SEMA5A: variants seen among roughly 807,000 people sequenced by gnomAD.
SEMA5A encodes the protein semaphorin 5A.
In SEMA5A, 55 loss-of-function variants were observed where a neutral mutation model predicts 135.5. The observed-to-expected ratio is 0.41, with a 90% confidence interval of 0.33 to 0.51. The LOEUF (loss-of-function observed/expected upper bound fraction) is 0.51. SEMA5A is among the 20% of genes least tolerant of loss of function. The probability of loss-of-function intolerance (pLI) is 0.37; values close to 1 mark genes in which losing one functional copy is unlikely to be tolerated. For missense variants in SEMA5A, 1,290 were observed against 1,419.9 expected (o/e 0.91, Z 1.47); for synonymous variants, 580 against 546.5 (o/e 1.06, Z -0.85).
intron 1 of SEMA5A, among the ~76,000 whole-genome samples, chr5:9,500,162 T>C (rs2126818467): frequency 6.6e-6 from 1 of 152,332 alleles, no homozygotes; most frequent in Middle Eastern, 3.4e-3. Context: ...GAGCCAGATG[T>C]AAATTACTAA....
chr5:9,120,943 G>A (rs1055088312), intron 14 of SEMA5A, among the ~76,000 whole-genome samples: 3 of 151,792 alleles, frequency 2.0e-5, no homozygotes, highest in African/African-American at 4.8e-5. Context: ...CATGCCCAGC[G>A]AATTTTGTAT....
At chr5:9,522,076 C>T (rs996331095) in intron 1 of SEMA5A, among the ~76,000 whole-genome samples, 1 of 152,174 alleles carries the variant, frequency 6.6e-6, no homozygotes, top group Non-Finnish European at 1.5e-5. Flanking sequence ...ATGGATTGAA[C>T]TTAGCAGCCC....
chr5:9,486,078 T>C (rs1214938990), intron 1 of SEMA5A, among the ~76,000 whole-genome samples: 2 of 151,992 alleles, frequency 1.3e-5, no homozygotes, highest in Non-Finnish European at 2.9e-5. Context: ...CACCATGGAA[T>C]ACTATGCAGC....
In SEMA5A at chr5:9,455,796, TGA is replaced by T. The variant is rs1417524167; in HGVS notation, c.-174-17946_-174-17945del. On this transcript the variant is annotated intron_variant, in intron 1 of 22. Transcript: ENST00000382496. ...AGGACGTGTGTATAAATAAATTAAC[TGA>T]GAGCTTTAAAAAGATCTGGTGACAA... 2.6e-5 allele frequency among the ~76,000 whole-genome samples: 4 copies of T among 152,332 alleles called. No homozygotes were observed. The South Asian group carries it at 8.3e-4, about 32-fold the overall frequency.
In SEMA5A at chr5:9,054,140, A is replaced by G; in HGVS notation, c.2636T>C (p.Ile879Thr). The G allele has an allele frequency of 6.2e-7, 1 of 1,613,852 alleles. No homozygotes were observed. Among genetic ancestry groups the G allele is most frequent in the Non-Finnish European group, 8.5e-7 (1 of 1,179,932 alleles). Residue 879 changes from isoleucine (I) to threonine (T), a missense_variant, in exon 19 of 23, where the codon ATC (isoleucine) becomes ACC (threonine). Physicochemically the swap from Ile to Thr is moderately conservative, Grantham distance 89. This residue lies in a region of SEMA5A where 1,029 missense variants were observed against 1,086.6 expected (regional missense o/e 0.95). Coordinates refer to ENST00000382496, the MANE Select transcript of SEMA5A (RefSeq NM_003966.3). ...SNPAPAYGGD[I>T]CLGLHTEEAL... The stretch of plus-strand genomic sequence containing the variant: ...CTCTTCTGTGTGCAGCCCCAGGCAG[A>G]TGTCCCCTCCATAGGCCGGGGCTGG...
At chr5:9,198,389 T>C (rs1436883646) in intron 9 of SEMA5A, among the ~76,000 whole-genome samples, 1 of 152,156 alleles carries the variant, frequency 6.6e-6, no homozygotes, top group East Asian at 1.9e-4. Context: ...GTCAGCCAGC[T>C]ACTAAATGGG....
chr5:9,120,871 T>G (rs9313270), intron 14 of SEMA5A, among the ~76,000 whole-genome samples: 14 of 151,404 alleles, frequency 9.2e-5, no homozygotes, highest in Admixed American at 9.2e-4. Context: ...CTCCGCCTGC[T>G]GGGTTCAAGA....
intron 4 of SEMA5A, among the ~76,000 whole-genome samples, chr5:9,332,417 C>G (rs1753188056): frequency 6.7e-6 from 1 of 150,112 alleles, no homozygotes; most frequent in South Asian, 2.1e-4. Flanking sequence ...GTATGTGAGG[C>G]TTGCAGCTTT....
chr5:9,269,126 G>A (rs1272059655), intron 5 of SEMA5A, among the ~76,000 whole-genome samples: 1 of 152,076 alleles, frequency 6.6e-6, no homozygotes, highest in Non-Finnish European at 1.5e-5. Flanking sequence ...CCGCGGGATG[G>A]AGACTGGGAG....
At chr5:9,229,957 A>G (rs1043364582) in intron 6 of SEMA5A, among the ~76,000 whole-genome samples, 4 of 152,086 alleles carry the variant, frequency 2.6e-5, no homozygotes, top group Admixed American at 6.6e-5. Flanking sequence ...AACAAAGTGC[A>G]AATAAGACTG....
At chr5:9,322,780 C>T (rs1752688353) in intron 4 of SEMA5A, among the ~76,000 whole-genome samples, 1 of 152,132 alleles carries the variant, frequency 6.6e-6, no homozygotes. Context: ...TGCCTCAAGG[C>T]CCCACCTATT....
At chr5:9,488,598 A>G (rs1734847449) in intron 1 of SEMA5A, among the ~76,000 whole-genome samples, 1 of 152,190 alleles carries the variant, frequency 6.6e-6, no homozygotes, top group African/African-American at 2.4e-5. Context: ...CATGGGTCAT[A>G]TGTCTGACAT....
At chr5:9,255,904 C>A (rs2150500737) in intron 5 of SEMA5A, among the ~76,000 whole-genome samples, 1 of 138,310 alleles carries the variant, frequency 7.2e-6, no homozygotes, top group South Asian at 2.4e-4. Context: ...TGCCTCCCAA[C>A]TTGCTTCTCC....
intron 11 of SEMA5A, among the ~76,000 whole-genome samples, chr5:9,159,238 T>G (rs1018274440): frequency 6.6e-6 from 1 of 152,218 alleles, no homozygotes; most frequent in African/African-American, 2.4e-5. Flanking sequence ...CCTTTTCACT[T>G]CAATGTTGAT....
rs528110746 is a variant in SEMA5A at position 9,417,687 on chromosome 5, G to A, written c.-78+20069C>T. Reference sequence around the variant, plus strand: ...TTGTCTTTATCACCACAAATCCTCCGATCAGCACATCCCTTGCCTATCAGC... The same window carrying A: ...TTGTCTTTATCACCACAAATCCTCCAATCAGCACATCCCTTGCCTATCAGC... On this transcript the variant is annotated intron_variant, in intron 2 of 22. Coordinates refer to ENST00000382496, the MANE Select transcript of SEMA5A (RefSeq NM_003966.3). 5.9e-5 allele frequency among the ~76,000 whole-genome samples: 9 copies of A among 152,210 alleles called. No homozygotes were observed. The South Asian group carries it at 1.7e-3, about 28-fold the overall frequency.
chr5:9,468,715 C>G (rs1579590836), intron 1 of SEMA5A, among the ~76,000 whole-genome samples: 1 of 152,308 alleles, frequency 6.6e-6, no homozygotes, highest in East Asian at 1.9e-4. Flanking sequence ...CATCCATTTA[C>G]TCGGCCAATC....
intron 1 of SEMA5A, among the ~76,000 whole-genome samples, chr5:9,489,167 T>G (rs1387151879): frequency 6.6e-6 from 1 of 152,162 alleles, no homozygotes; most frequent in African/African-American, 2.4e-5. Context: ...TCAGCAGCTT[T>G]GGCCCAAATA....
Position 9,042,592 on chromosome 5 carries a change from G to A in SEMA5A, c.*305C>T, listed in dbSNP as rs955159719. 3.6e-5 allele frequency: 12 copies of A among 332,172 alleles called. 1 individual carries two copies. In the Admixed American group the frequency reaches 4.4e-4, roughly 12 times the overall value. The allele number at this position is 332,172 out of a possible 1,614,324, so 20.6% of individuals were successfully genotyped here. A position where few individuals can be genotyped will look rare whatever the true frequency, so the allele number is the denominator to read the frequency against. ...AAGAAAGACTCCTTCCAATGTGGGT[G>A]GCACATTTATAAAATAATGCTCAAA... On this transcript the variant is annotated 3_prime_UTR_variant, in exon 23 of 23. Transcript: ENST00000382496.
chr5:9,137,807 C>A (rs895498249), intron 12 of SEMA5A, among the ~76,000 whole-genome samples: 6 of 152,132 alleles, frequency 3.9e-5, no homozygotes, highest in African/African-American at 1.4e-4. Flanking sequence ...ACAAAATAAT[C>A]ATTGTTAAAA....
Sources: gnomAD v4.1 joint callset for allele counts (sites outside exome capture counted in the v4.1 genomes callset) on GRCh38, gnomAD v4.1.1 for gene constraint, gnomAD v4.1.1 regional missense constraint, MANE v1.5 for transcripts, NCBI Gene and HGNC (gene_info 2026-07-23, HGNC 2026-07-21) for gene names.